Variants in MIA2 observed in about 807,000 individuals in gnomAD.
MIA2 encodes the protein MIA SH3 domain ER export factor 2, also known as melanoma inhibitory activity protein 2.
A neutral mutation model predicts 167.8 loss-of-function variants in MIA2; 127 were observed. The ratio of observed to expected loss-of-function variants is 0.76; its 90% CI spans 0.66 to 0.88. The LOEUF is 0.88. MIA2 is among the 40% of genes least tolerant of loss of function. The pLI is 0.00. For missense variants in MIA2, 1,690 were observed against 1,624.7 expected, an observed-to-expected ratio of 1.04 and a Z score of -0.69; for synonymous variants, 552 against 541.9, an observed-to-expected ratio of 1.02 and a Z score of -0.26.
At chr14:39,297,632 C>G (rs2061603422) in intron 13 of MIA2, among the ~76,000 whole-genome samples, 1 of 148,696 alleles carries the variant, frequency 6.7e-6, no homozygotes, top group Admixed American at 6.7e-5. Flanking sequence ...GTCTCAGGTT[C>G]CACCTCTCCA....
At chr14:39,258,396 T>G (rs533462459) in intron 6 of MIA2, among the ~76,000 whole-genome samples, 1 of 152,246 alleles carries the variant, frequency 6.6e-6, no homozygotes, top group Non-Finnish European at 1.5e-5. Flanking sequence ...TATTTGTGTA[T>G]GCTTCACGAA....
chr14:39,248,262 A>C (rs2152629098), intron 4 of MIA2, 121 bp downstream of exon 4: 1 of 719,074 alleles, frequency 1.4e-6, no homozygotes, highest in East Asian at 3.6e-5. Context: ...TAGCTCTTTC[A>C]TCAATTTCCA....
At chr14:39,279,721 A>G (rs555289302) in intron 9 of MIA2, among the ~76,000 whole-genome samples, 184 bp downstream of exon 9, 4 of 152,324 alleles carry the variant, frequency 2.6e-5, no homozygotes, top group African/African-American at 7.2e-5. Context: ...GTAGGTGTAC[A>G]ATGGTGTCTC....
rs568663538 is a variant in MIA2 at position 39,359,736 on chromosome 14, A to G, written c.2248+10759A>G. On this transcript the variant is annotated intron_variant, in intron 23 of 23. Coordinates refer to the MIA2 transcript ENST00000341502. The stretch of plus-strand genomic sequence containing the variant: ...TTTCTTAATTCTTGTGTCCATTGAT[A>G]GATGCTTAGGTTGATGACGTGTCTT... 1.6e-4 allele frequency among the ~76,000 whole-genome samples: 24 copies of G among 152,254 alleles called. 1 individual carries two copies. The South Asian group carries it at 5.0e-3, about 32-fold the overall frequency.
intron 23 of MIA2, among the ~76,000 whole-genome samples, chr14:39,378,157 A>G (rs1301210833): frequency 6.6e-6 from 1 of 152,274 alleles, no homozygotes; most frequent in Non-Finnish European, 1.5e-5. Context: ...ATTATGTTTT[A>G]AATTTTTCTC....
chr14:39,291,426 C>T (rs984253725), intron 10 of MIA2, among the ~76,000 whole-genome samples: 1 of 152,082 alleles, frequency 6.6e-6, no homozygotes, highest in African/African-American at 2.4e-5. Context: ...ACTCAGTTTG[C>T]TCTAGAAAGG....
At chr14:39,369,075 C>T (rs1325074595) in intron 23 of MIA2, among the ~76,000 whole-genome samples, 2 of 152,158 alleles carry the variant, frequency 1.3e-5, no homozygotes, top group African/African-American at 4.8e-5. Flanking sequence ...AGTACTGGCT[C>T]ATATTTTTTT....
At chr14:39,295,462 T>A (rs1354298209) in intron 13 of MIA2, among the ~76,000 whole-genome samples, 1 of 152,204 alleles carries the variant, frequency 6.6e-6, no homozygotes, top group Non-Finnish European at 1.5e-5. Flanking sequence ...CCTTTGCCAA[T>A]GTAATTGTAA....
At chr14:39,311,836 G>GT (rs34526208) in intron 18 of MIA2, among the ~76,000 whole-genome samples, 2,812 of 96,608 alleles carry the variant, frequency 0.029, 104 homozygotes, top group African/African-American at 0.1. Flanking sequence ...GTGTGTGTGT[G>GT]TTTTTTTTTT....
chr14:39,241,567 G>A (rs770409179), intron 3 of MIA2, among the ~76,000 whole-genome samples: 10 of 152,080 alleles, frequency 6.6e-5, no homozygotes, highest in Non-Finnish European at 1.0e-4. Context: ...CAATCCTCCC[G>A]CCTCTGCCTC....
At chr14:39,295,684 C>A (rs1007651037) in intron 13 of MIA2, among the ~76,000 whole-genome samples, 8 of 152,060 alleles carry the variant, frequency 5.3e-5, no homozygotes, top group African/African-American at 9.7e-5. Flanking sequence ...CTCAGCCTCC[C>A]GAGTAGCTGG....
At position 39,300,967 on chromosome 14, in the gene MIA2, T is replaced by TATACACATAC. The variant is rs1555378369; in HGVS notation, c.2619+984_2619+985insCACATACATA. Among the ~76,000 whole-genome samples the TATACACATAC allele has an allele frequency of 1.7e-3, 241 of 140,180 alleles. 3 individuals are homozygous for TATACACATAC. Among genetic ancestry groups the TATACACATAC allele is most frequent in the African/African-American group, 5.9e-3 (213 of 36,406 alleles). The allele number at this position is 140,180 out of a possible 152,430, so 92.0% of individuals were successfully genotyped here. A position where few individuals can be genotyped will look rare whatever the true frequency, so the allele number is the denominator to read the frequency against. On this transcript the variant is annotated intron_variant, in intron 14 of 28. Coordinates refer to ENST00000640607, the MANE Select transcript of MIA2 (RefSeq NM_001329214.4). ...ACATATATACACATACATATACACATATATACACATATATACATATATACA... is the reference window on the plus strand; with the variant it reads ...ACATATATACACATACATATACACATATACACATACATATACACATATATACATATATACA...
chr14:39,342,555 G>T (rs1041586439), intron 25 of MIA2, among the ~76,000 whole-genome samples: 19 of 152,224 alleles, frequency 1.2e-4, no homozygotes, highest in South Asian at 4.1e-4. Context: ...TCAAATGGTA[G>T]TTCTAGTTCT....
rs1323568972 is a variant in MIA2, at chr14:39,348,748, A to G, written c.3843A>G (p.Leu1281=). 6.2e-7 allele frequency: 1 copy of G among 1,613,782 alleles called. No homozygotes were observed. The highest frequency in any genetic ancestry group is 8.5e-7 in the Non-Finnish European group (1 of 1,179,800). The part of the protein sequence containing the change: ...RNDTKDDLGN[L]NVPDSSLPAE... ...CATATGTCAATTTGTTGTAGAATTT[A>G]AATGTGCCTGATTCATCTCTCCCTG... Residue 1281 remains leucine, a synonymous_variant, in exon 28 of 29, where the codon TTA becomes TTG. Coordinates refer to ENST00000640607, the MANE Select transcript of MIA2 (RefSeq NM_001329214.4).
At chr14:39,309,159 G>A (rs867148370) in intron 18 of MIA2, among the ~76,000 whole-genome samples, 2 of 152,168 alleles carry the variant, frequency 1.3e-5, no homozygotes, top group Non-Finnish European at 2.9e-5. Context: ...GTCATCAACA[G>A]TTAATACCCG....
intron 1 of MIA2, among the ~76,000 whole-genome samples, chr14:39,235,075 A>G (rs1168843937): frequency 6.6e-6 from 1 of 151,006 alleles, no homozygotes; most frequent in Non-Finnish European, 1.5e-5. Context: ...TTGCTCTGTC[A>G]CCCAGGCTGG....
At chr14:39,358,824 C>T (rs931240152) in intron 23 of MIA2, among the ~76,000 whole-genome samples, 3 of 152,188 alleles carry the variant, frequency 2.0e-5, no homozygotes, top group Non-Finnish European at 2.9e-5. Context: ...CCACTCCAGA[C>T]CCTGTTTGCC....
chr14:39,263,812 T>G (rs984340559), intron 6 of MIA2, among the ~76,000 whole-genome samples: 5 of 152,048 alleles, frequency 3.3e-5, no homozygotes, highest in Non-Finnish European at 7.4e-5. Context: ...TTTGTATTTT[T>G]TAGTAGAGAC....
At chr14:39,343,189 G>A (rs2072406539) in intron 25 of MIA2, among the ~76,000 whole-genome samples, 1 of 152,180 alleles carries the variant, frequency 6.6e-6, no homozygotes, top group African/African-American at 2.4e-5. Context: ...TTGTCGCTCA[G>A]GCTGGGGTGC....
Sources: gnomAD v4.1 joint callset for allele counts (sites outside exome capture counted in the v4.1 genomes callset) on GRCh38, gnomAD v4.1.1 for gene constraint, MANE v1.5 for transcripts, NCBI Gene and HGNC (gene_info 2026-07-23, HGNC 2026-07-21) for gene names.